The following RPTOR variants were observed in gnomAD, a reference collection of about 807,000 sequenced individuals.
RPTOR encodes regulatory associated protein of MTOR complex 1, also known as regulatory-associated protein of mTOR.
RPTOR carries 21 observed loss-of-function variants against 169.9 expected under a neutral mutation model. That is an observed-to-expected ratio of 0.12 (90% confidence interval 0.09 to 0.18). The LOEUF is 0.18. Among genes scored for constraint, RPTOR ranks in the 10% least tolerant of loss-of-function variants. The pLI, the probability that RPTOR is intolerant of heterozygous loss-of-function variation, is 1.00. For missense variants in RPTOR, 1,133 were observed against 1,855.9 expected (o/e 0.61, Z 7.16); for synonymous variants, 732 against 753.2 (o/e 0.97, Z 0.46).
At chr17:80,715,772 G>A (rs2066234856) in intron 4 of RPTOR, among the ~76,000 whole-genome samples, 1 of 149,464 alleles carries the variant, frequency 6.7e-6, no homozygotes. Flanking sequence ...TTATGCCTTT[G>A]TGTCCTCATA....
At chr17:80,557,444 G>A (rs536921977) in intron 1 of RPTOR, among the ~76,000 whole-genome samples, 2 of 151,948 alleles carry the variant, frequency 1.3e-5, no homozygotes, top group Non-Finnish European at 2.9e-5. Context: ...TTGAACCCGG[G>A]AGGTGGAGGT....
rs1051648132 is a variant in RPTOR at position 80,695,445 on chromosome 17, C to G, written c.349-12396C>G. ...TCTCTGGGCGGGACCTGTGCTCTCTCCCTGTAACAGTGGCCTCTGTTACAG... is the reference window on the plus strand; with the variant it reads ...TCTCTGGGCGGGACCTGTGCTCTCTGCCTGTAACAGTGGCCTCTGTTACAG... On this transcript the variant is annotated intron_variant, in intron 3 of 33. Transcript: ENST00000306801. This position sits in a 1 kb window ranked among gnomAD's most constrained non-coding sequence, Gnocchi z 4.9. Among the ~76,000 whole-genome samples, 7 of 152,152 alleles carry G rather than the reference C, an allele frequency of 4.6e-5. No individual in the cohort carries two copies. Among genetic ancestry groups the G allele is most frequent in the African/African-American group, 1.7e-4 (7 of 41,428 alleles).
At chr17:80,745,076 C>G (rs1598275810) in intron 5 of RPTOR, among the ~76,000 whole-genome samples, 1 of 152,220 alleles carries the variant, frequency 6.6e-6, no homozygotes, top group African/African-American at 2.4e-5. Flanking sequence ...TCTTTCTCCC[C>G]CTCCTGCCAC....
chr17:80,905,915 C>A (rs977242599), intron 20 of RPTOR, among the ~76,000 whole-genome samples: 1 of 152,214 alleles, frequency 6.6e-6, no homozygotes, highest in Non-Finnish European at 1.5e-5. Context: ...GGAGGGTTCT[C>A]ATATAAGGCC....
chr17:80,800,083 G>A (rs2067141578), intron 7 of RPTOR, among the ~76,000 whole-genome samples: 1 of 152,242 alleles, frequency 6.6e-6, no homozygotes, highest in Non-Finnish European at 1.5e-5. Flanking sequence ...GGACCCCGCT[G>A]TCTGGGGTTT....
chr17:80,659,401 G>T lies in RPTOR; in HGVS notation c.348+15591G>T, dbSNP rs891382758. On this transcript the variant is annotated intron_variant, in intron 3 of 33. Transcript: ENST00000306801. The surrounding 1 kb of genome is among the most constrained non-coding windows in gnomAD (Gnocchi z 4.3). ...GGCTGGGGTGCAGTGGTGCAATCAC[G>T]GGTCACCGCAGCCTCGACCTCCTGG... Among the ~76,000 whole-genome samples the T allele has an allele frequency of 1.3e-5, 2 of 152,118 alleles. No homozygotes were observed. Among genetic ancestry groups the T allele is most frequent in the East Asian group, 1.9e-4 (1 of 5,196 alleles).
chr17:80,941,528 C>T (rs2069028048), intron 25 of RPTOR: 1 of 152,426 alleles, frequency 6.6e-6, no homozygotes, highest in Non-Finnish European at 1.5e-5. Flanking sequence ...CCGCACTCCT[C>T]CCCCTGCCCT....
chr17:80,629,901 G>A (rs9896281), intron 2 of RPTOR, among the ~76,000 whole-genome samples: 7 of 152,076 alleles, frequency 4.6e-5, no homozygotes, highest in African/African-American at 7.2e-5. Flanking sequence ...TATGTATTGC[G>A]CTGTTGGACA....
At chr17:80,863,295 C>T (rs761170394) in intron 13 of RPTOR, among the ~76,000 whole-genome samples, 34 of 152,132 alleles carry the variant, frequency 2.2e-4, no homozygotes, top group Non-Finnish European at 3.7e-4. Context: ...CAGAGGGCCT[C>T]CCCCAGCATC....
chr17:80,924,056 C>T (rs538857722), intron 23 of RPTOR: 600 of 277,806 alleles, frequency 2.2e-3, no homozygotes, highest in Non-Finnish European at 2.9e-3. Context: ...ACTCTGCGTC[C>T]GCTTGGGGGC....
At chr17:80,782,876 T>C (rs1341847557) in intron 6 of RPTOR, among the ~76,000 whole-genome samples, 2 of 152,184 alleles carry the variant, frequency 1.3e-5, no homozygotes, top group Non-Finnish European at 2.9e-5. Context: ...TAAAAACACA[T>C]TAATATTTGA....
At chr17:80,744,121 GCACAGCCCTGGCTA>G in intron 5 of RPTOR, among the ~76,000 whole-genome samples, 1 of 109,694 alleles carries the variant, frequency 9.1e-6, no homozygotes, top group Non-Finnish European at 2.1e-5. Context: ...CTGGTTACTA[GCACAGCCCTGGCTA>G]CTAGCACTAT....
At chr17:80,592,957 A>G (rs187665771) in intron 1 of RPTOR, among the ~76,000 whole-genome samples, 29 of 152,298 alleles carry the variant, frequency 1.9e-4, no homozygotes, top group Admixed American at 1.9e-3. Context: ...TGCATCCATG[A>G]TAGCCTCATA....
At chr17:80,613,207 T>G (rs1415478750) in intron 1 of RPTOR, among the ~76,000 whole-genome samples, 1 of 152,216 alleles carries the variant, frequency 6.6e-6, no homozygotes, top group African/African-American at 2.4e-5. Context: ...ACTTCTTGTT[T>G]GCCTGTGAAT....
In RPTOR at chr17:80,823,251, C is replaced by T. The variant is rs1303832515; in HGVS notation, c.1136+28C>T. 1.9e-6 allele frequency: 3 copies of T among 1,608,798 alleles called. No individual in the cohort carries two copies. Among genetic ancestry groups the T allele is most frequent in the African/African-American group, 2.7e-5 (2 of 74,834 alleles). On this transcript the variant is annotated intron_variant, in intron 9 of 33. Coordinates refer to ENST00000306801, the MANE Select transcript of RPTOR (RefSeq NM_020761.3). The surrounding 1 kb of genome is among the most constrained non-coding windows in gnomAD (Gnocchi z 4.5). ...GAGTGTTTCAGGATCCTCCAGGTGC[C>T]GTGCTCCCCCGCCCTCCGTGGCACT...
At chr17:80,868,002 T>G (rs530046330) in intron 13 of RPTOR, among the ~76,000 whole-genome samples, 1 of 152,286 alleles carries the variant, frequency 6.6e-6, no homozygotes, top group African/African-American at 2.4e-5. Flanking sequence ...ACTACCTGAT[T>G]ACAAGAGTGA....
chr17:80,611,937 A>G (rs982962087), intron 1 of RPTOR, among the ~76,000 whole-genome samples: 5 of 151,956 alleles, frequency 3.3e-5, no homozygotes, highest in Non-Finnish European at 5.9e-5. Flanking sequence ...GCATCATTTC[A>G]CTTGTCTTTT....
In RPTOR at chr17:80,949,972, C is replaced by T. The variant is rs181755003; in HGVS notation, c.3370+425C>T. ...GCACATGGCCATCTGGGGCCTCACG[C>T]GCTCGCTGGCATGCCTGGGCTGGTG... On this transcript the variant is annotated intron_variant, in intron 28 of 33. Transcript: ENST00000306801. 1.9e-4 allele frequency among the ~76,000 whole-genome samples: 29 copies of T among 152,392 alleles called. No homozygotes were observed. In the East Asian group the frequency reaches 3.9e-3, roughly 20 times the overall value.
intron 28 of RPTOR, among the ~76,000 whole-genome samples, chr17:80,949,883 C>T (rs2069151765): frequency 6.6e-6 from 1 of 152,270 alleles, no homozygotes; most frequent in Non-Finnish European, 1.5e-5. Flanking sequence ...CGGGGTCCTT[C>T]TTTGGACCTA....
Sources: allele counts gnomAD v4.1 joint callset (sites outside exome capture counted in the v4.1 genomes callset), GRCh38; gene constraint gnomAD v4.1.1; non-coding constraint Gnocchi (gnomAD v3.1); transcripts MANE v1.5; gene names NCBI Gene and HGNC (gene_info 2026-07-23, HGNC 2026-07-21).